The following SNX30 variants were observed in gnomAD, a reference collection of about 807,000 sequenced individuals.
SNX30 encodes sorting nexin-30.
A neutral mutation model predicts 46.4 loss-of-function variants in SNX30; 24 were observed. The ratio of observed to expected loss-of-function variants is 0.52; its 90% CI spans 0.37 to 0.73. The LOEUF (loss-of-function observed/expected upper bound fraction) is 0.73, where lower values mean the gene tolerates loss of function less well. Ranked by LOEUF, SNX30 falls within the 30% of genes least tolerant of loss-of-function variation. The pLI is 0.00. For missense variants in SNX30, 533 were observed against 555.7 expected (o/e 0.96, Z 0.41); for synonymous variants, 189 against 211.5 (o/e 0.89, Z 0.92).
At chr9:112,750,632 C>G (rs866918022), upstream of SNX30, among the ~76,000 whole-genome samples, 1 of 151,810 alleles carries the variant, frequency 6.6e-6, no homozygotes, top group Non-Finnish European at 1.5e-5. Context: ...CGCCTCCTCC[C>G]TCCCTCCCTC....
chr9:112,852,379 T>TA (rs1473641601), intron 7 of SNX30, among the ~76,000 whole-genome samples: 1 of 152,202 alleles, frequency 6.6e-6, no homozygotes, highest in Non-Finnish European at 1.5e-5. Context: ...AGAGATGATT[T>TA]AAAGTATACA....
Position 112,790,713 on chromosome 9 carries a change from A to G in SNX30, c.157-14063A>G, listed in dbSNP as rs573250017. On this transcript the variant is annotated intron_variant, in intron 1 of 8. Coordinates refer to ENST00000374232, the MANE Select transcript of SNX30 (RefSeq NM_001012994.2). ...ATAATTATGAACACTAATGCAATCTACCATATAGTCTTTGTCCTCCACTTC... is the reference window on the plus strand; with the variant it reads ...ATAATTATGAACACTAATGCAATCTGCCATATAGTCTTTGTCCTCCACTTC... 4.6e-5 allele frequency among the ~76,000 whole-genome samples: 7 copies of G among 152,348 alleles called. No individual in the cohort carries two copies. In the South Asian group the frequency reaches 1.5e-3, roughly 32 times the overall value.
intron 7 of SNX30, among the ~76,000 whole-genome samples, chr9:112,855,300 T>C (rs1841104160): frequency 6.6e-6 from 1 of 152,034 alleles, no homozygotes; most frequent in Non-Finnish European, 1.5e-5. Flanking sequence ...TTTTGGGAAC[T>C]GATGGTGGGA....
chr9:112,822,536 GTTTTGT>G (rs1018313591), intron 3 of SNX30, among the ~76,000 whole-genome samples: 1 of 123,724 alleles, frequency 8.1e-6, no homozygotes, highest in Non-Finnish European at 1.6e-5. Context: ...TTGCTGTTTT[GTTTTGT>G]TTTTTTTTTT....
chr9:112,782,096 T>A (rs1839855205), intron 1 of SNX30, among the ~76,000 whole-genome samples: 2 of 152,172 alleles, frequency 1.3e-5, no homozygotes, highest in Non-Finnish European at 2.9e-5. Flanking sequence ...GACGGAGTTT[T>A]GCTCTTATTG....
At chr9:112,882,358 C>G (rs1441601253), downstream of SNX30, among the ~76,000 whole-genome samples, 1 of 152,198 alleles carries the variant, frequency 6.6e-6, no homozygotes, top group African/African-American at 2.4e-5. Context: ...TCCCCCACCT[C>G]AGCCTCCCAA....
chr9:112,809,683 G>A (rs1246777690), intron 2 of SNX30, among the ~76,000 whole-genome samples: 1 of 152,194 alleles, frequency 6.6e-6, no homozygotes, highest in Non-Finnish European at 1.5e-5. Flanking sequence ...CAAAGTGGAC[G>A]TTAGTTTAAT....
At chr9:112,876,954 G>GGGAGACAA (rs1440746802), downstream of SNX30, among the ~76,000 whole-genome samples, 3 of 149,304 alleles carry the variant, frequency 2.0e-5, no homozygotes, top group East Asian at 5.9e-4. Context: ...AAAGGATGCA[G>GGGAGACAA]GGAGACAAGG....
chr9:112,864,422 C>T (rs1015204349), intron 8 of SNX30, 23 bp downstream of exon 8: 37 of 1,613,630 alleles, frequency 2.3e-5, no homozygotes, highest in Non-Finnish European at 3.1e-5. Context: ...CCCAACAAGA[C>T]TGGTTTCTAA....
At chr9:112,791,399 CTTTTTTTTTTTTTTTTTTTTTTTT>C (rs386415930) in intron 1 of SNX30, among the ~76,000 whole-genome samples, 1 of 67,458 alleles carries the variant, frequency 1.5e-5, no homozygotes, top group African/African-American at 6.1e-5. Flanking sequence ...TATTTAGGAA[CTTTTTTTTTTTTTTTTTTTTTTTT>C]TTTTTGAGAC....
At chr9:112,794,260 C>A (rs1481654409) in intron 1 of SNX30, among the ~76,000 whole-genome samples, 1 of 152,120 alleles carries the variant, frequency 6.6e-6, no homozygotes, top group African/African-American at 2.4e-5. Flanking sequence ...TCAAGCAGTT[C>A]TCCTGCCTCA....
intron 1 of SNX30, 85 bp downstream of exon 1, chr9:112,751,242 GGCCGCGCC>G: frequency 1.6e-6 from 2 of 1,285,048 alleles, no homozygotes; most frequent in Non-Finnish European, 2.0e-6. Context: ...GTGGGCCTGG[GGCCGCGCC>G]CACCCTGCCG....
chr9:112,796,506 C>T (rs977294849), intron 1 of SNX30, among the ~76,000 whole-genome samples: 8 of 152,146 alleles, frequency 5.3e-5, no homozygotes, highest in Non-Finnish European at 1.2e-4. Context: ...TCTGCAGTCA[C>T]GTCCACACTG....
At chr9:112,772,530 C>T (rs971266503) in intron 1 of SNX30, among the ~76,000 whole-genome samples, 8 of 152,062 alleles carry the variant, frequency 5.3e-5, no homozygotes, top group Non-Finnish European at 8.8e-5. Flanking sequence ...GATATCTAGG[C>T]GTGTCTCCCC....
In SNX30 at chr9:112,750,869, GC is replaced by G; in HGVS notation, c.-128del. The G allele has an allele frequency of 1.2e-6, 1 of 813,578 alleles. No individual in the cohort carries two copies. Among genetic ancestry groups the G allele is most frequent in the Non-Finnish European group, 1.5e-6 (1 of 657,066 alleles). The allele number at this position is 813,578 out of a possible 1,614,324, so 50.4% of individuals were successfully genotyped here. On this transcript the variant is annotated 5_prime_UTR_variant, in exon 1 of 9. Transcript: ENST00000374232. ...AGAGACCAGCCGGCGGGTGGCGGCG[GC>G]CCCCAGCACGGCCGGTGCAAGGCCT... is the stretch of plus-strand genomic sequence containing the variant.
At position 112,764,920 on chromosome 9, in the gene SNX30, G is replaced by A. The variant is rs532656448; in HGVS notation, c.156+13763G>A. ...CATCGACGCAGGGGGAGTTGTGGCA[G>A]CGCGCCTCCCTCACATTGCACAGCT... On this transcript the variant is annotated intron_variant, in intron 1 of 8. Coordinates refer to ENST00000374232, the MANE Select transcript of SNX30 (RefSeq NM_001012994.2). Among the ~76,000 whole-genome samples the A allele has an allele frequency of 3.3e-5, 5 of 152,294 alleles. No homozygotes were observed. The South Asian group carries it at 1.0e-3, about 32-fold the overall frequency.
At position 112,873,055 on chromosome 9, in the gene SNX30, G is replaced by GT. The variant is rs1841471511; in HGVS notation, c.*4213dup. 1 of 152,228 alleles carries GT rather than the reference G, an allele frequency of 6.6e-6. No homozygotes were observed. Among genetic ancestry groups the GT allele is most frequent in the African/African-American group, 2.4e-5 (1 of 41,442 alleles). The allele number at this position is 152,228 out of a possible 1,614,324, so 9.4% of individuals were successfully genotyped here. The stretch of plus-strand genomic sequence containing the variant: ...TGGTCTCACAGTTACATGTATCAGA[G>GT]TGTGTGTAAGTTGTCTGTGTTAGAA... On this transcript the variant is annotated 3_prime_UTR_variant, in exon 9 of 9. Transcript: ENST00000374232.
At chr9:112,829,453 A>T (rs1840628548) in intron 3 of SNX30, among the ~76,000 whole-genome samples, 1 of 151,980 alleles carries the variant, frequency 6.6e-6, no homozygotes, top group African/African-American at 2.4e-5. Context: ...TTTTATATTT[A>T]ATATTTTTGG....
intron 7 of SNX30, among the ~76,000 whole-genome samples, chr9:112,856,128 A>G (rs548532100): frequency 6.6e-6 from 1 of 152,152 alleles, no homozygotes; most frequent in Non-Finnish European, 1.5e-5. Context: ...AGAAGGCTTC[A>G]CAGAATTCCT....
Sources: gnomAD v4.1 joint callset for allele counts (sites outside exome capture counted in the v4.1 genomes callset) on GRCh38, gnomAD v4.1.1 for gene constraint, MANE v1.5 for transcripts, NCBI Gene and HGNC (gene_info 2026-07-23, HGNC 2026-07-21) for gene names.